ARK2C: variants seen among roughly 807,000 people sequenced by gnomAD.
ARK2C encodes arkadia (RNF111) C-terminal like ring finger ubiquitin ligase 2C, also known as E3 ubiquitin-protein ligase ARK2C.
chr18:46,389,458 C>T, the ARK2C span, among the ~76,000 whole-genome samples: 5 of 152,142 alleles, frequency 3.3e-5, no homozygotes, highest in South Asian at 2.1e-4. Context: ...TTTGTAGGCA[C>T]GGAAGTATAT....
the ARK2C span, among the ~76,000 whole-genome samples, chr18:46,391,333 G>A: frequency 1.3e-5 from 2 of 152,140 alleles, no homozygotes; most frequent in African/African-American, 2.4e-5. Flanking sequence ...TGGGCTCTCT[G>A]TTGGCCAAAT....
the ARK2C span, among the ~76,000 whole-genome samples, chr18:46,416,531 C>T: frequency 3.9e-5 from 6 of 152,308 alleles, no homozygotes; most frequent in East Asian, 1.2e-3. Context: ...GTCCCCACCT[C>T]AATAAACGAC....
chr18:46,406,821 T>A, the ARK2C span, among the ~76,000 whole-genome samples: 1 of 152,192 alleles, frequency 6.6e-6, no homozygotes, highest in Admixed American at 6.5e-5. Context: ...GCCTGGCAGG[T>A]GGCTGGGAGC....
the ARK2C span, among the ~76,000 whole-genome samples, chr18:46,350,055 A>G: frequency 3.3e-5 from 5 of 152,140 alleles, no homozygotes; most frequent in Non-Finnish European, 7.4e-5. Context: ...CATACCACTC[A>G]CCACTCACAT....
chr18:46,400,071 G>A, the ARK2C span, among the ~76,000 whole-genome samples: 5 of 152,194 alleles, frequency 3.3e-5, no homozygotes, highest in South Asian at 8.3e-4. Context: ...GGAGCACTGG[G>A]ACCCCCACGG....
the ARK2C span, among the ~76,000 whole-genome samples, chr18:46,372,098 T>C: frequency 6.6e-6 from 1 of 152,150 alleles, no homozygotes; most frequent in Non-Finnish European, 1.5e-5. Context: ...CACACAGATG[T>C]GAACCCTGAT....
chr18:46,350,866 T>G, the ARK2C span, among the ~76,000 whole-genome samples: 2 of 152,242 alleles, frequency 1.3e-5, no homozygotes, highest in Non-Finnish European at 2.9e-5. Flanking sequence ...CGATAGCTGT[T>G]TATAAGCTCT....
the ARK2C span, chr18:46,456,160 T>C: frequency 1.1e-6 from 1 of 876,268 alleles, no homozygotes; most frequent in African/African-American, 1.7e-5. Context: ...TGTCTGGGAG[T>C]TGGGGTGCTT....
At chr18:46,334,142 GCCCGCGC>G in the ARK2C span, 1 of 300,490 alleles carries the variant, frequency 3.3e-6, no homozygotes, top group Non-Finnish European at 4.8e-6. The surrounding 1 kb of genome is among the most constrained non-coding windows in gnomAD (Gnocchi z 4.4). Flanking sequence ...CCCCACCGCC[GCCCGCGC>G]CCCGCGCTCC....
the ARK2C span, among the ~76,000 whole-genome samples, chr18:46,412,330 G>C: frequency 6.6e-6 from 1 of 152,240 alleles, no homozygotes; most frequent in Non-Finnish European, 1.5e-5. Flanking sequence ...CACAGCCTTG[G>C]TTTCTTGGTT....
the ARK2C span, among the ~76,000 whole-genome samples, chr18:46,349,895 C>A: frequency 0.033 from 5,051 of 152,244 alleles, 111 homozygotes; most frequent in Non-Finnish European, 0.05. Context: ...CTCTATGGGC[C>A]CCATGCAATA....
chr18:46,427,496 G>A, the ARK2C span, among the ~76,000 whole-genome samples: 1 of 152,222 alleles, frequency 6.6e-6, no homozygotes, highest in Non-Finnish European at 1.5e-5. Flanking sequence ...GCTCCACCAG[G>A]GCCCACCCGG....
chr18:46,414,169 C>G, the ARK2C span, among the ~76,000 whole-genome samples: 100 of 152,306 alleles, frequency 6.6e-4, 1 homozygote, highest in African/African-American at 2.3e-3. Context: ...TCAGAGAGGC[C>G]AGGCTGCTTG....
the ARK2C span, among the ~76,000 whole-genome samples, chr18:46,445,128 T>C: frequency 6.6e-6 from 1 of 152,224 alleles, no homozygotes; most frequent in Non-Finnish European, 1.5e-5. Context: ...CATTTATGAA[T>C]AATTGTGGAT....
the ARK2C span, among the ~76,000 whole-genome samples, chr18:46,389,459 G>A: frequency 8.6e-3 from 1,306 of 152,250 alleles, 7 homozygotes; most frequent in Middle Eastern, 0.027. Flanking sequence ...TTGTAGGCAC[G>A]GAAGTATATG....
chr18:46,362,838 T>A, the ARK2C span, among the ~76,000 whole-genome samples: 1 of 152,170 alleles, frequency 6.6e-6, no homozygotes, highest in Non-Finnish European at 1.5e-5. Flanking sequence ...CCAAGAGGAA[T>A]CTTAGAGGTG....
the ARK2C span, among the ~76,000 whole-genome samples, chr18:46,391,668 A>C: frequency 6.6e-6 from 1 of 151,764 alleles, no homozygotes; most frequent in African/African-American, 2.4e-5. Flanking sequence ...TTTGCACACC[A>C]CTTACCTGGT....
At chr18:46,436,690 C>T in the ARK2C span, among the ~76,000 whole-genome samples, 1 of 152,174 alleles carries the variant, frequency 6.6e-6, no homozygotes, top group Non-Finnish European at 1.5e-5. Context: ...TTTCTTCAGT[C>T]CTTTGCTCAT....
the ARK2C span, among the ~76,000 whole-genome samples, chr18:46,393,816 C>T: frequency 6.6e-6 from 1 of 152,280 alleles, no homozygotes. Flanking sequence ...GCTGGTCTTG[C>T]TCTGCTGGGC....
Sources: allele counts gnomAD v4.1 joint callset (sites outside exome capture counted in the v4.1 genomes callset), GRCh38; gene constraint gnomAD v4.1.1; non-coding constraint Gnocchi (gnomAD v3.1); transcripts MANE v1.5; gene names NCBI Gene and HGNC (gene_info 2026-07-23, HGNC 2026-07-21).